Variants in PCDHA12 observed in about 807,000 individuals in gnomAD.
PCDHA12 encodes the protein protocadherin alpha 12.
PCDHA12 carries 44 observed loss-of-function variants against 60.0 expected under a neutral mutation model. The ratio of observed to expected loss-of-function variants is 0.73; its 90% confidence interval spans 0.58 to 0.94. The LOEUF (loss-of-function observed/expected upper bound fraction) is 0.94. Ranked by LOEUF, PCDHA12 falls within the 40% of genes least tolerant of loss-of-function variation. The pLI, the probability that PCDHA12 is intolerant of heterozygous loss-of-function variation, is 0.00. For missense variants in PCDHA12, 1,276 were observed against 1,239.7 expected (o/e 1.03, Z -0.44); for synonymous variants, 569 against 553.0 (o/e 1.03, Z -0.40).
At chr5:140,895,590 T>C (rs1554186569) in intron 1 of PCDHA12, among the ~76,000 whole-genome samples, 2 of 152,208 alleles carry the variant, frequency 1.3e-5, no homozygotes, top group Non-Finnish European at 2.9e-5. Context: ...ATTAGATATA[T>C]AATTTGCAAA....
intron 1 of PCDHA12, among the ~76,000 whole-genome samples, chr5:140,946,468 C>T (rs1249840749): frequency 1.3e-5 from 2 of 151,720 alleles, no homozygotes; most frequent in Non-Finnish European, 2.9e-5. Flanking sequence ...AATCCCACTA[C>T]TGGGTATATA....
chr5:140,983,768 T>G (rs1236827804), intron 3 of PCDHA12, among the ~76,000 whole-genome samples: 2 of 152,196 alleles, frequency 1.3e-5, no homozygotes, highest in African/African-American at 4.8e-5. Context: ...CAAATACATA[T>G]CTACATACAT....
chr5:140,924,747 T>G (rs1026870483), intron 1 of PCDHA12, among the ~76,000 whole-genome samples: 2 of 151,786 alleles, frequency 1.3e-5, no homozygotes, highest in African/African-American at 4.8e-5. Flanking sequence ...ATACAAAAAT[T>G]AACCGAGCAT....
In PCDHA12 at chr5:140,876,642, A is replaced by G. The variant is rs908095775; in HGVS notation, c.1170A>G (p.Thr390=). 6.2e-6 allele frequency: 10 copies of G among 1,614,024 alleles called. No individual in the cohort carries two copies. The highest frequency in any genetic ancestry group is 1.3e-5 in the African/African-American group (1 of 74,910). The change falls in exon 1 of 4, where the codon ACA becomes ACG. Residue 390 remains threonine, a synonymous_variant. Coordinates refer to ENST00000398631, the MANE Select transcript of PCDHA12 (RefSeq NM_018903.4). ...ATGGACAGGTCATCTGCTCACTGAC[A>G]CCTCATGTTCCCTTCAAGCTGGTGT... ...GANGQVICSL[T]PHVPFKLVST...
intron 3 of PCDHA12, among the ~76,000 whole-genome samples, chr5:140,997,109 G>A (rs1293025484): frequency 1.3e-5 from 2 of 152,022 alleles, no homozygotes; most frequent in Non-Finnish European, 2.9e-5. Flanking sequence ...ATGCACTCCT[G>A]CTCTCCCACA....
intron 1 of PCDHA12, among the ~76,000 whole-genome samples, chr5:140,920,983 T>C (rs1472212249): frequency 6.6e-6 from 1 of 152,106 alleles, no homozygotes; most frequent in Non-Finnish European, 1.5e-5. Context: ...AATATTGTAT[T>C]TGCTTATTTT....
At chr5:140,976,794 A>T (rs1199342082) in intron 1 of PCDHA12, among the ~76,000 whole-genome samples, 1 of 152,230 alleles carries the variant, frequency 6.6e-6, no homozygotes, top group East Asian at 1.9e-4. Context: ...CTACGCTTTT[A>T]TGAATATCTG....
chr5:140,937,606 TACTC>T (rs1186588675), intron 1 of PCDHA12, among the ~76,000 whole-genome samples: 2 of 123,664 alleles, frequency 1.6e-5, no homozygotes, highest in Non-Finnish European at 3.5e-5. Context: ...AACAGAGTGA[TACTC>T]CATCTAAAAA....
intron 1 of PCDHA12, among the ~76,000 whole-genome samples, chr5:140,915,115 A>T (rs2076990702): frequency 1.3e-5 from 2 of 151,346 alleles, no homozygotes; most frequent in African/African-American, 4.9e-5. Context: ...CACCCACCTA[A>T]TTTTTATATT....
rs559205841 is a variant in PCDHA12 at position 140,922,691 on chromosome 5, C to G, written c.2367+44852C>G. On this transcript the variant is annotated intron_variant, in intron 1 of 3. Coordinates refer to ENST00000398631, the MANE Select transcript of PCDHA12 (RefSeq NM_018903.4). ...GCAGTAAAAAAGTGAACAGGCTCTGCTTCCATACAGTCAAGAACAAAAAGA... is the reference window on the plus strand; with the variant it reads ...GCAGTAAAAAAGTGAACAGGCTCTGGTTCCATACAGTCAAGAACAAAAAGA... 2.0e-4 allele frequency among the ~76,000 whole-genome samples: 30 copies of G among 152,262 alleles called. No individual in the cohort carries two copies. In the South Asian group the frequency reaches 6.0e-3, roughly 31 times the overall value.
intron 1 of PCDHA12, chr5:140,926,257 C>CT (rs1336723706): frequency 4.6e-5 from 7 of 152,300 alleles, no homozygotes; most frequent in African/African-American, 1.7e-4. Flanking sequence ...ACCGTCCCGC[C>CT]TCTCGCCGCC....
chr5:140,891,977 A>G (rs2063334150), intron 1 of PCDHA12, among the ~76,000 whole-genome samples: 1 of 152,206 alleles, frequency 6.6e-6, no homozygotes, highest in Non-Finnish European at 1.5e-5. Flanking sequence ...TTCCGTTCTC[A>G]TAAATTACTC....
intron 1 of PCDHA12, among the ~76,000 whole-genome samples, chr5:140,974,639 G>A (rs896104665): frequency 2.0e-5 from 3 of 152,198 alleles, no homozygotes; most frequent in African/African-American, 7.2e-5. Context: ...AACCTCCCGA[G>A]TAGCTGAGAT....
In PCDHA12 at chr5:140,877,367, G is replaced by C. The variant is rs201967192; in HGVS notation, c.1895G>C (p.Ser632Thr). The change falls in exon 1 of 4, where the codon AGC (serine) becomes ACC (threonine). Residue 632 changes from serine (S) to threonine (T), a missense_variant. Transcript: ENST00000398631. ...FHVGLYTGEI[S>T]TTRILDEADA... ...GTGGGGCTGTACACTGGCGAGATCA[G>C]CACGACACGCATCCTGGATGAGGCG... is the stretch of plus-strand genomic sequence containing the variant. 1.0e-4 allele frequency: 167 copies of C among 1,614,018 alleles called. No homozygotes were observed. The highest frequency in any genetic ancestry group is 4.9e-4 in the Middle Eastern group (3 of 6,062).
At chr5:140,953,035 C>A (rs2094836412) in intron 1 of PCDHA12, among the ~76,000 whole-genome samples, 1 of 152,116 alleles carries the variant, frequency 6.6e-6, no homozygotes, top group Admixed American at 6.5e-5. Flanking sequence ...GGAAATCCAC[C>A]CCCATGATCC....
At chr5:140,933,073 T>C (rs1198976304) in intron 1 of PCDHA12, among the ~76,000 whole-genome samples, 1 of 152,026 alleles carries the variant, frequency 6.6e-6, no homozygotes, top group Non-Finnish European at 1.5e-5. Context: ...TAAAGTATTA[T>C]GGGAAGTAAG....
chr5:140,904,397 T>G (rs2071090298), intron 1 of PCDHA12, among the ~76,000 whole-genome samples: 1 of 151,416 alleles, frequency 6.6e-6, no homozygotes, highest in East Asian at 1.9e-4. Flanking sequence ...TATTCCATGG[T>G]GTATTATATA....
chr5:140,889,547 T>C (rs2062267601), intron 1 of PCDHA12, among the ~76,000 whole-genome samples: 1 of 152,192 alleles, frequency 6.6e-6, no homozygotes, highest in Non-Finnish European at 1.5e-5. Context: ...TCTAATTTAC[T>C]TTTCTTCAGA....
rs782752906 is a variant in PCDHA12, at chr5:140,876,150, C to A, written c.678C>A (p.Val226=). The A allele has an allele frequency of 5.0e-6, 8 of 1,613,798 alleles. No individual in the cohort carries two copies. Among genetic ancestry groups the A allele is most frequent in the Non-Finnish European group, 2.5e-6 (3 of 1,179,910 alleles). ...DGGKPELTGS[V]QIQITVLDVN... is the part of the protein sequence containing the mutation. ...GTAAACCAGAACTAACAGGGTCTGT[C>A]CAGATTCAAATAACCGTCCTGGATG... The change falls in exon 1 of 4, where the codon GTC becomes GTA. Residue 226 remains valine, a synonymous_variant. Transcript: ENST00000398631.
Sources: gnomAD v4.1 joint callset for allele counts (sites outside exome capture counted in the v4.1 genomes callset) on GRCh38, gnomAD v4.1.1 for gene constraint, MANE v1.5 for transcripts, NCBI Gene and HGNC (gene_info 2026-07-23, HGNC 2026-07-21) for gene names.